Variants in ANK3 observed in about 807,000 individuals in gnomAD.
The protein encoded by ANK3 is ankyrin 3.
ANK3 carries 57 observed loss-of-function variants against 370.9 expected under a neutral mutation model. The ratio of observed to expected loss-of-function variants is 0.15; its 90% CI spans 0.12 to 0.19. The LOEUF (loss-of-function observed/expected upper bound fraction) is 0.19, where lower values mean the gene tolerates loss of function less well. ANK3 is among the 10% of genes least tolerant of loss of function. ANK3 has a pLI of 1.00. For missense variants in ANK3, 4,439 were observed against 5,302.1 expected (o/e 0.84, Z 5.06); for synonymous variants, 1,929 against 1,946.3 (o/e 0.99, Z 0.23).
At chr10:60,709,758 G>A (rs552322395) in intron 1 of ANK3, among the ~76,000 whole-genome samples, 1 of 151,146 alleles carries the variant, frequency 6.6e-6, no homozygotes, top group Admixed American at 6.6e-5. Flanking sequence ...AGCCCAGGAG[G>A]TTGAGGCTGC....
chr10:60,338,391 C>T (rs990685), intron 1 of ANK3, among the ~76,000 whole-genome samples: 106,993 of 152,032 alleles, frequency 0.7, 38,792 homozygotes, highest in South Asian at 0.91. Flanking sequence ...TACACCTGGA[C>T]TGGAGCTCAA....
chr10:60,536,735 A>G (rs1052373092), intron 2 of ANK3, among the ~76,000 whole-genome samples: 11 of 152,066 alleles, frequency 7.2e-5, no homozygotes, highest in Admixed American at 3.9e-4. Context: ...TCGATGGGTG[A>G]CAAAGCTTTC....
At chr10:60,382,203 T>G (rs1347435916) in intron 1 of ANK3, among the ~76,000 whole-genome samples, 1 of 152,102 alleles carries the variant, frequency 6.6e-6, no homozygotes, top group East Asian at 1.9e-4. Context: ...CTTCCAACCC[T>G]CTTAGGGCCT....
intron 16 of ANK3, among the ~76,000 whole-genome samples, chr10:60,190,845 C>T (rs2096463934): frequency 6.6e-6 from 1 of 152,042 alleles, no homozygotes; most frequent in Admixed American, 6.6e-5. Context: ...TACTACAAGG[C>T]TATAGTAACC....
chr10:60,170,147 A>G (rs1003978731), intron 21 of ANK3, among the ~76,000 whole-genome samples: 1 of 152,208 alleles, frequency 6.6e-6, no homozygotes, highest in African/African-American at 2.4e-5. Flanking sequence ...TACAATTCAC[A>G]TCTTTTGAAT....
chr10:60,555,965 T>G (rs2077196784), intron 2 of ANK3, among the ~76,000 whole-genome samples: 1 of 152,170 alleles, frequency 6.6e-6, no homozygotes, highest in Admixed American at 6.5e-5. Context: ...CAGGCCTTTA[T>G]GAAAGGAAAT....
intron 43 of ANK3, among the ~76,000 whole-genome samples, chr10:60,035,023 G>GAAA (rs35866956): frequency 4.0e-5 from 6 of 151,612 alleles, no homozygotes; most frequent in South Asian, 2.1e-4. Flanking sequence ...CAAAGGGCTG[G>GAAA]AAAAAAATAC....
chr10:60,691,462 A>G (rs1468538164), intron 1 of ANK3, among the ~76,000 whole-genome samples: 1 of 152,208 alleles, frequency 6.6e-6, no homozygotes, highest in Admixed American at 6.5e-5. Context: ...TTAAAGAACC[A>G]ACGTAAAGCA....
intron 2 of ANK3, among the ~76,000 whole-genome samples, chr10:60,556,488 T>C (rs2077209725): frequency 6.6e-6 from 1 of 152,214 alleles, no homozygotes. Flanking sequence ...TCCAGTGCTC[T>C]GGAATGCACC....
At chr10:60,113,484 A>G (rs1189022300) in intron 26 of ANK3, among the ~76,000 whole-genome samples, 2 of 152,174 alleles carry the variant, frequency 1.3e-5, no homozygotes, top group Non-Finnish European at 2.9e-5. Flanking sequence ...AAAGGCGGGC[A>G]GATTGCTTAA....
chr10:60,448,295 A>T lies in ANK3; in HGVS notation c.96+166891T>A, dbSNP rs143686402. ...GAAGAAAAGCCAAAATAATTATATG[A>T]AACTACATCACTCTGGAGAAAAATA... On this transcript the variant is annotated intron_variant, in intron 2 of 43. Coordinates refer to the ANK3 transcript ENST00000373827. Among the ~76,000 whole-genome samples, 380 of 152,342 alleles carry T rather than the reference A, an allele frequency of 2.5e-3. 1 individual carries two copies. Among genetic ancestry groups the T allele is most frequent in the African/African-American group, 8.4e-3 (349 of 41,576 alleles).
intron 2 of ANK3, among the ~76,000 whole-genome samples, chr10:60,612,749 C>T (rs2078218099): frequency 6.6e-6 from 1 of 152,198 alleles, no homozygotes; most frequent in Non-Finnish European, 1.5e-5. Context: ...CCTTGGCTCA[C>T]TCAGTTTTAA....
intron 1 of ANK3, among the ~76,000 whole-genome samples, chr10:60,704,660 A>G (rs547397434): frequency 6.6e-6 from 1 of 152,330 alleles, no homozygotes; most frequent in East Asian, 1.9e-4. Context: ...AGGTCATTCT[A>G]GGAAATGAGT....
intron 1 of ANK3, among the ~76,000 whole-genome samples, chr10:60,312,920 A>T (rs578205112): frequency 4.6e-5 from 7 of 152,302 alleles, no homozygotes; most frequent in Admixed American, 3.3e-4. Context: ...TTGTCTTGGT[A>T]AACAGTGGAC....
chr10:60,457,925 C>T (rs1191038547), intron 2 of ANK3, among the ~76,000 whole-genome samples: 2 of 152,038 alleles, frequency 1.3e-5, no homozygotes, highest in African/African-American at 4.8e-5. Flanking sequence ...GGAACAGGCA[C>T]AATCACGGGT....
intron 1 of ANK3, among the ~76,000 whole-genome samples, chr10:60,725,795 C>G (rs1178547333): frequency 6.6e-6 from 1 of 152,100 alleles, no homozygotes; most frequent in Non-Finnish European, 1.5e-5. Flanking sequence ...ATTGTCCCCC[C>G]ATCCCAGCCC....
At position 60,279,098 on chromosome 10, in the gene ANK3, A is replaced by C. The variant is rs750550361; in HGVS notation, c.267T>G (p.Val89=). 45 of 1,613,816 alleles carry C rather than the reference A, an allele frequency of 2.8e-5. No homozygotes were observed. Among genetic ancestry groups the C allele is most frequent in the Admixed American group, 8.3e-5 (5 of 59,974 alleles). ...HLASKEGHVE[V]VSELLQREAN... Reference sequence around the variant, plus strand: ...CTTCTCTCTGCAGCAGCTCAGAAACAACCTCTACATGGCCTTCTTTGGAAG... The same window carrying C: ...CTTCTCTCTGCAGCAGCTCAGAAACCACCTCTACATGGCCTTCTTTGGAAG... The change falls in exon 3 of 44, where the codon GTT becomes GTG. Residue 89 remains valine (V), a synonymous_variant. Coordinates refer to ENST00000280772, the MANE Select transcript of ANK3 (RefSeq NM_020987.5).
rs1238299827 is a variant in ANK3 at position 60,073,276 on chromosome 10, A to G, written c.7605T>C (p.His2535=). 1.2e-6 allele frequency: 2 copies of G among 1,613,998 alleles called. No homozygotes were observed. Among genetic ancestry groups the G allele is most frequent in the Non-Finnish European group, 8.5e-7 (1 of 1,180,022 alleles). Residue 2535 remains histidine, a synonymous_variant, in exon 37 of 44, where the codon CAT becomes CAC. Coordinates refer to ENST00000280772, the MANE Select transcript of ANK3 (RefSeq NM_020987.5). ...AGTGCAACACTGTCACTTTATCAAA[A>G]TGCTCATCTTTAGACACTTTACCTA... ...NGVGKVSKDE[H]FDKVTVLHYS... is the part of the protein sequence containing the mutation.
intron 2 of ANK3, among the ~76,000 whole-genome samples, chr10:60,554,629 C>T (rs1391369860): frequency 1.3e-5 from 2 of 152,118 alleles, no homozygotes; most frequent in African/African-American, 4.8e-5. Flanking sequence ...ATCCAAACTT[C>T]GTCCAATAGA....
Sources: allele counts gnomAD v4.1 joint callset (sites outside exome capture counted in the v4.1 genomes callset), GRCh38; gene constraint gnomAD v4.1.1; transcripts MANE v1.5; gene names NCBI Gene and HGNC (gene_info 2026-07-23, HGNC 2026-07-21).